Variants in RGS6 observed in about 807,000 individuals in gnomAD.
RGS6 encodes regulator of G-protein signaling 6.
RGS6 carries 30 observed loss-of-function variants against 78.5 expected under a neutral mutation model. The ratio of observed to expected loss-of-function variants is 0.38; its 90% CI spans 0.29 to 0.52. RGS6 has a LOEUF of 0.52. Ranked by LOEUF, RGS6 falls within the 20% of genes least tolerant of loss-of-function variation. RGS6 has a pLI of 0.85. For missense variants in RGS6, 495 were observed against 609.7 expected, an observed-to-expected ratio of 0.81 and a Z score of 1.98; for synonymous variants, 206 against 206.0, an observed-to-expected ratio of 1.00 and a Z score of 0.00.
intron 13 of RGS6, among the ~76,000 whole-genome samples, chr14:72,504,033 G>A (rs920735928): frequency 3.9e-5 from 6 of 152,188 alleles, no homozygotes; most frequent in Admixed American, 2.0e-4. Flanking sequence ...TTGAAGAGAC[G>A]AGTTGATCCT....
chr14:72,058,076 T>G (rs1197838285), intron 2 of RGS6, among the ~76,000 whole-genome samples: 2 of 112,962 alleles, frequency 1.8e-5, no homozygotes, highest in Non-Finnish European at 3.7e-5. Flanking sequence ...TTATGAGGTG[T>G]TTTTTTTTTT....
chr14:72,273,526 A>G (rs1341082916), intron 2 of RGS6, among the ~76,000 whole-genome samples: 3 of 152,218 alleles, frequency 2.0e-5, no homozygotes, highest in African/African-American at 7.2e-5. Flanking sequence ...TGCTGCTGGC[A>G]TTGATAAGCT....
intron 7 of RGS6, among the ~76,000 whole-genome samples, chr14:72,466,097 G>A (rs1164692880): frequency 6.6e-6 from 1 of 152,134 alleles, no homozygotes; most frequent in Non-Finnish European, 1.5e-5. Context: ...TTTTACCAAA[G>A]AGGACACAAG....
At chr14:72,409,551 G>T (rs544921265) in intron 3 of RGS6, among the ~76,000 whole-genome samples, 1 of 150,478 alleles carries the variant, frequency 6.6e-6, no homozygotes, top group Admixed American at 6.6e-5. Flanking sequence ...AGTGGCAACT[G>T]CCTATTTTTT....
chr14:72,625,908 G>T, the RGS6 span, among the ~76,000 whole-genome samples: 6 of 152,056 alleles, frequency 3.9e-5, no homozygotes, highest in Non-Finnish European at 8.8e-5. Context: ...TTCAAATCTA[G>T]CATACGTAGT....
chr14:72,300,203 A>G (rs2065766464), intron 2 of RGS6, among the ~76,000 whole-genome samples: 1 of 151,476 alleles, frequency 6.6e-6, no homozygotes, highest in Admixed American at 6.6e-5. Flanking sequence ...TTCTGATACT[A>G]TTGATTGCTT....
intron 2 of RGS6, among the ~76,000 whole-genome samples, chr14:72,291,031 T>C (rs1333308845): frequency 2.0e-5 from 3 of 151,828 alleles, no homozygotes; most frequent in Non-Finnish European, 2.9e-5. Flanking sequence ...AACTCTACAC[T>C]CTTTTCCCTG....
At chr14:72,445,741 T>A (rs1253674804) in intron 3 of RGS6, among the ~76,000 whole-genome samples, 1 of 152,222 alleles carries the variant, frequency 6.6e-6, no homozygotes, top group East Asian at 1.9e-4. Flanking sequence ...GTTTGTTTAC[T>A]CCATGCCAGG....
chr14:71,983,291 A>G (rs2094545310), intron 2 of RGS6, among the ~76,000 whole-genome samples: 1 of 152,188 alleles, frequency 6.6e-6, no homozygotes, highest in Non-Finnish European at 1.5e-5. Flanking sequence ...TATGAAATGG[A>G]CCTGAAAAGA....
intron 2 of RGS6, among the ~76,000 whole-genome samples, chr14:72,228,899 T>C (rs1438419097): frequency 6.6e-6 from 1 of 152,066 alleles, no homozygotes; most frequent in Non-Finnish European, 1.5e-5. Flanking sequence ...ACTAAAAATA[T>C]AAAAATTTAG....
chr14:72,197,659 C>T (rs959171944), intron 2 of RGS6, among the ~76,000 whole-genome samples: 2 of 152,218 alleles, frequency 1.3e-5, no homozygotes, highest in Admixed American at 6.5e-5. Context: ...TCCAAATATT[C>T]TGCTTCTCTT....
intron 2 of RGS6, among the ~76,000 whole-genome samples, chr14:72,171,012 G>T (rs910396827): frequency 1.3e-5 from 2 of 152,140 alleles, no homozygotes; most frequent in African/African-American, 4.8e-5. Flanking sequence ...GACATCTAAA[G>T]TTAAGAAATC....
At chr14:72,163,907 G>A (rs186806368) in intron 2 of RGS6, among the ~76,000 whole-genome samples, 3 of 150,958 alleles carry the variant, frequency 2.0e-5, no homozygotes, top group Non-Finnish European at 4.4e-5. Flanking sequence ...AAATGCAGTT[G>A]TGGAAGCTTT....
rs116923031 is a variant in RGS6 at position 72,149,009 on chromosome 14, C to T, written c.84+184134C>T. On this transcript the variant is annotated intron_variant, in intron 2 of 17. Coordinates refer to ENST00000553525, the MANE Select transcript of RGS6 (RefSeq NM_001204424.2). ...CAAGGCTTGGTGGATAGCTTATCTC[C>T]GCACCACTTGGTGTCAGCTGGGGGA... is the stretch of plus-strand genomic sequence containing the variant. 6.7e-3 allele frequency among the ~76,000 whole-genome samples: 1,015 copies of T among 152,276 alleles called. 32 individuals are homozygous for T. The highest frequency in any genetic ancestry group is 0.059 in the Admixed American group (905 of 15,290).
At chr14:72,183,682 A>C (rs2097202756) in intron 2 of RGS6, among the ~76,000 whole-genome samples, 1 of 152,246 alleles carries the variant, frequency 6.6e-6, no homozygotes, top group Admixed American at 6.5e-5. Context: ...AGTAAGTGGG[A>C]AAAGAGATAT....
At chr14:71,991,083 T>C (rs1029514338) in intron 2 of RGS6, among the ~76,000 whole-genome samples, 1 of 152,226 alleles carries the variant, frequency 6.6e-6, no homozygotes, top group Non-Finnish European at 1.5e-5. Flanking sequence ...TGGCACCAAG[T>C]AGGTGATAAA....
At chr14:72,069,989 C>A (rs2094344323) in intron 2 of RGS6, among the ~76,000 whole-genome samples, 1 of 152,178 alleles carries the variant, frequency 6.6e-6, no homozygotes, top group Non-Finnish European at 1.5e-5. Context: ...CCTTCCTTAA[C>A]TGAGAGTCTC....
chr14:72,265,761 T>C (rs1369205394), intron 2 of RGS6, among the ~76,000 whole-genome samples: 1 of 152,116 alleles, frequency 6.6e-6, no homozygotes, highest in East Asian at 1.9e-4. Flanking sequence ...TGTACATCCC[T>C]ACCTGAGCTA....
chr14:71,975,671 A>T (rs1357790717), intron 2 of RGS6, among the ~76,000 whole-genome samples: 2 of 152,084 alleles, frequency 1.3e-5, no homozygotes, highest in African/African-American at 4.8e-5. Flanking sequence ...GTTGACCAGG[A>T]TGGTCTCGAT....
Sources: allele counts gnomAD v4.1 joint callset (sites outside exome capture counted in the v4.1 genomes callset), GRCh38; gene constraint gnomAD v4.1.1; transcripts MANE v1.5; gene names NCBI Gene and HGNC (gene_info 2026-07-23, HGNC 2026-07-21).